Variants in OSBPL1A observed in about 807,000 individuals in gnomAD.
OSBPL1A encodes the protein oxysterol-binding protein-related protein 1.
In OSBPL1A, 80 loss-of-function variants were observed where a neutral mutation model predicts 137.1. The ratio of observed to expected loss-of-function variants is 0.58; its 90% CI spans 0.49 to 0.70. The LOEUF is 0.70. Among genes scored for constraint, OSBPL1A ranks in the 30% least tolerant of loss-of-function variants. OSBPL1A has a pLI of 0.00. For synonymous variants in OSBPL1A, 365 were observed against 389.7 expected (o/e 0.94, Z 0.75); for missense variants, 970 against 1,129.4 (o/e 0.86, Z 2.02).
At position 24,172,476 on chromosome 18, in the gene OSBPL1A, CATT is replaced by C. The variant is rs1238044443; in HGVS notation, c.2098_2100del (p.Asn700del). 2 of 1,612,236 alleles carry C rather than the reference CATT, an allele frequency of 1.2e-6. No individual in the cohort carries two copies. Among genetic ancestry groups the C allele is most frequent in the Admixed American group, 3.3e-5 (2 of 59,926 alleles). On this transcript the variant is annotated inframe_deletion, in exon 22 of 28. Transcript: ENST00000319481. Reference sequence around the variant, plus strand: ...GTGGGATTTGTCCATGTATATGCCTCATTGTGTCTAAAAAACAAAACCAAACCC... The same window carrying C: ...GTGGGATTTGTCCATGTATATGCCTCGTGTCTAAAAAACAAAACCAAACCC...
intron 14 of OSBPL1A, among the ~76,000 whole-genome samples, chr18:24,284,016 C>T (rs925123194): frequency 5.9e-5 from 9 of 151,974 alleles, no homozygotes; most frequent in Admixed American, 2.0e-4. Flanking sequence ...GAGAGAGCGT[C>T]GAATTCTTTT....
In OSBPL1A at chr18:24,228,447, T is replaced by G. The variant is rs185363858; in HGVS notation, c.1445-3249A>C. 4.6e-5 allele frequency among the ~76,000 whole-genome samples: 7 copies of G among 152,280 alleles called. No homozygotes were observed. The East Asian group carries it at 1.2e-3, about 25-fold the overall frequency. On this transcript the variant is annotated intron_variant, in intron 16 of 27. Transcript: ENST00000319481. ...AGTACAATGGTCATTTTTCAATTCT[T>G]ATTTTGACTCATCCACCACATCTGA... is the stretch of plus-strand genomic sequence containing the variant.
At chr18:24,395,022 C>T (rs1284608841) in intron 1 of OSBPL1A, among the ~76,000 whole-genome samples, 1 of 152,224 alleles carries the variant, frequency 6.6e-6, no homozygotes, top group Non-Finnish European at 1.5e-5. Flanking sequence ...AGACCAAGAA[C>T]ATCACATAAG....
chr18:24,212,199 C>G (rs7230789), intron 17 of OSBPL1A, among the ~76,000 whole-genome samples: 2 of 151,646 alleles, frequency 1.3e-5, no homozygotes, highest in East Asian at 1.9e-4. Flanking sequence ...TCCTGAGTAG[C>G]TAGGACTAAA....
chr18:24,318,406 T>C (rs1290199230), intron 9 of OSBPL1A, among the ~76,000 whole-genome samples, 195 bp downstream of exon 9: 2 of 151,848 alleles, frequency 1.3e-5, no homozygotes, highest in Non-Finnish European at 2.9e-5. Flanking sequence ...CACTGCACTC[T>C]AGCCTGGGTG....
chr18:24,242,301 CAAACA>C (rs2088725268), intron 15 of OSBPL1A, among the ~76,000 whole-genome samples: 1 of 147,014 alleles, frequency 6.8e-6, no homozygotes, highest in African/African-American at 2.5e-5. Flanking sequence ...TTAAAACAAA[CAAACA>C]AACAAACAAA....
chr18:24,214,491 T>C (rs113587129), intron 17 of OSBPL1A, among the ~76,000 whole-genome samples: 3,606 of 152,266 alleles, frequency 0.024, 130 homozygotes, highest in African/African-American at 0.082. Flanking sequence ...GAAGCCCTTC[T>C]TGACTATCAT....
intron 17 of OSBPL1A, among the ~76,000 whole-genome samples, chr18:24,206,921 A>T (rs2087391366): frequency 6.6e-6 from 1 of 152,172 alleles, no homozygotes; most frequent in African/African-American, 2.4e-5. Flanking sequence ...GAGATTAGAG[A>T]CTATGTCTTA....
At chr18:24,212,664 G>A (rs1350140651) in intron 17 of OSBPL1A, among the ~76,000 whole-genome samples, 1 of 152,106 alleles carries the variant, frequency 6.6e-6, no homozygotes, top group African/African-American at 2.4e-5. Context: ...AAGGGAAAAT[G>A]TTTGCCCTCC....
chr18:24,264,127 G>A (rs573865201), intron 15 of OSBPL1A, among the ~76,000 whole-genome samples: 2 of 152,216 alleles, frequency 1.3e-5, no homozygotes, highest in African/African-American at 4.8e-5. Context: ...AGGGATTGAC[G>A]CAGGACCTAC....
At chr18:24,295,263 T>C (rs2090268112) in intron 14 of OSBPL1A, among the ~76,000 whole-genome samples, 1 of 152,202 alleles carries the variant, frequency 6.6e-6, no homozygotes, top group Non-Finnish European at 1.5e-5. Context: ...GATGGGATTA[T>C]TTGTATTTTT....
At chr18:24,361,070 C>A (rs1395040832) in intron 4 of OSBPL1A, among the ~76,000 whole-genome samples, 3 of 152,182 alleles carry the variant, frequency 2.0e-5, no homozygotes, top group African/African-American at 7.2e-5. Context: ...CACTCAGCTG[C>A]CCAGGCTGGA....
intron 19 of OSBPL1A, among the ~76,000 whole-genome samples, chr18:24,180,394 G>T (rs966098031): frequency 6.6e-6 from 1 of 151,974 alleles, no homozygotes; most frequent in East Asian, 1.9e-4. Context: ...ATTCCTTGCC[G>T]TCTTTTAACA....
chr18:24,390,205 T>C (rs1356105209), intron 1 of OSBPL1A, among the ~76,000 whole-genome samples: 1 of 151,696 alleles, frequency 6.6e-6, no homozygotes, highest in Non-Finnish European at 1.5e-5. Flanking sequence ...AGTATGGGGG[T>C]TCCTCAAAAA....
chr18:24,346,768 G>A (rs2091352961), intron 4 of OSBPL1A, among the ~76,000 whole-genome samples: 2 of 152,128 alleles, frequency 1.3e-5, no homozygotes, highest in African/African-American at 4.8e-5. Flanking sequence ...TAGAGACAGG[G>A]TTTCACTCTG....
At chr18:24,351,504 A>C (rs1259671195) in intron 4 of OSBPL1A, among the ~76,000 whole-genome samples, 1 of 151,768 alleles carries the variant, frequency 6.6e-6, no homozygotes, top group East Asian at 1.9e-4. Flanking sequence ...AAAGAACTAA[A>C]CTAAGAAACC....
intron 4 of OSBPL1A, among the ~76,000 whole-genome samples, chr18:24,345,256 C>T (rs1256845444): frequency 8.5e-5 from 13 of 152,116 alleles, no homozygotes; most frequent in Admixed American, 6.5e-5. Flanking sequence ...TAGTCAGCCT[C>T]GTTAAAGTGT....
At chr18:24,266,207 AT>A (rs1307882205) in intron 15 of OSBPL1A, among the ~76,000 whole-genome samples, 1 of 152,164 alleles carries the variant, frequency 6.6e-6, no homozygotes, top group Non-Finnish European at 1.5e-5. Flanking sequence ...GAGTTCTATC[AT>A]TTATGCCTTC....
chr18:24,196,075 T>C lies in OSBPL1A; in HGVS notation c.1677+50A>G, dbSNP rs73967696. ...CTTTTAGGTTCCTTTCTAAAGAATA[T>C]GCGATTAAACATATCTGCTTAATAT... On this transcript the variant is annotated intron_variant, in intron 18 of 27. Transcript: ENST00000319481. The C allele has an allele frequency of 1.0e-3, 1,468 of 1,410,426 alleles. 20 individuals carry two copies. The African/African-American group carries it at 0.019, about 18-fold the overall frequency. The allele number at this position is 1,410,426 out of a possible 1,614,324, so 87.4% of individuals were successfully genotyped here. A position where few individuals can be genotyped will look rare whatever the true frequency, so the allele number is the denominator to read the frequency against.
Sources: allele counts gnomAD v4.1 joint callset (sites outside exome capture counted in the v4.1 genomes callset), GRCh38; gene constraint gnomAD v4.1.1; transcripts MANE v1.5; gene names NCBI Gene and HGNC (gene_info 2026-07-23, HGNC 2026-07-21).